The following TADA2A variants were observed in gnomAD, a reference collection of about 807,000 sequenced individuals.
TADA2A encodes transcriptional adapter 2-alpha.
A neutral mutation model predicts 67.4 loss-of-function variants in TADA2A; 38 were observed. The ratio of observed to expected loss-of-function variants is 0.56; its 90% CI spans 0.44 to 0.74. The LOEUF (loss-of-function observed/expected upper bound fraction) is 0.74. Among genes scored for constraint, TADA2A ranks in the 30% least tolerant of loss-of-function variants. The probability of loss-of-function intolerance (pLI) is 0.00; values close to 1 mark genes in which losing one functional copy is unlikely to be tolerated. For synonymous variants in TADA2A, 192 were observed against 181.6 expected, an observed-to-expected ratio of 1.06 and a Z score of -0.46; for missense variants, 454 against 547.0, an observed-to-expected ratio of 0.83 and a Z score of 1.70.
At chr17:37,434,714 G>A (rs1037734358) in intron 4 of TADA2A, among the ~76,000 whole-genome samples, 1 of 152,114 alleles carries the variant, frequency 6.6e-6, no homozygotes, top group Non-Finnish European at 1.5e-5. Context: ...TTATTGTGTG[G>A]TCCCTTGGAG....
At chr17:37,439,933 TA>T (rs1238567108) in intron 5 of TADA2A, among the ~76,000 whole-genome samples, 888 of 87,090 alleles carry the variant, frequency 0.01, 13 homozygotes, top group African/African-American at 0.034. Context: ...TTTATTTATT[TA>T]TTTATTTATT....
intron 8 of TADA2A, among the ~76,000 whole-genome samples, chr17:37,449,630 T>C (rs1039575450): frequency 2.0e-5 from 3 of 151,666 alleles, no homozygotes; most frequent in Non-Finnish European, 4.4e-5. Context: ...TTTTTTTTTT[T>C]TTTTTTTGAG....
rs151283485 is a variant in TADA2A, at chr17:37,472,554, C to G, written c.1072+1417C>G. On this transcript the variant is annotated intron_variant, in intron 14 of 15. Transcript: ENST00000615182. ...CTAAATACAACTAAGTTAATACTGG[C>G]TAATTAAAATGAAGGAACTGGGTCA... is the stretch of plus-strand genomic sequence containing the variant. 8.8e-3 allele frequency among the ~76,000 whole-genome samples: 1,342 copies of G among 151,996 alleles called. 14 individuals are homozygous for G. The highest frequency in any genetic ancestry group is 0.017 in the Middle Eastern group (5 of 294).
chr17:37,449,619 ATTTT>A (rs11337212), intron 8 of TADA2A, among the ~76,000 whole-genome samples: 6 of 136,724 alleles, frequency 4.4e-5, no homozygotes, highest in African/African-American at 5.5e-5. Flanking sequence ...TACAATCTTG[ATTTT>A]TTTTTTTTTT....
chr17:37,409,941 G>A (rs530518108), intron 1 of TADA2A, among the ~76,000 whole-genome samples: 47 of 149,860 alleles, frequency 3.1e-4, no homozygotes, highest in Non-Finnish European at 4.9e-4. Context: ...CGAGGTGGGC[G>A]GATCACTTGA....
At chr17:37,466,954 C>G (rs575839694) in intron 11 of TADA2A, among the ~76,000 whole-genome samples, 3 of 152,074 alleles carry the variant, frequency 2.0e-5, no homozygotes, top group Admixed American at 6.6e-5. Context: ...GTCAGGAATT[C>G]GAGACCAACC....
intron 2 of TADA2A, among the ~76,000 whole-genome samples, chr17:37,418,145 A>T (rs1014608473): frequency 4.6e-5 from 7 of 152,198 alleles, no homozygotes; most frequent in African/African-American, 1.7e-4. Context: ...CTTATATACA[A>T]TTGCCTGTCT....
intron 8 of TADA2A, among the ~76,000 whole-genome samples, chr17:37,455,263 C>G (rs1428618799): frequency 6.7e-6 from 1 of 149,722 alleles, no homozygotes; most frequent in East Asian, 1.9e-4. Context: ...TTTCTTCTAG[C>G]GTTGTTACTA....
chr17:37,472,511 A>C (rs1039730088), intron 14 of TADA2A, among the ~76,000 whole-genome samples: 1 of 152,098 alleles, frequency 6.6e-6, no homozygotes, highest in Non-Finnish European at 1.5e-5. Flanking sequence ...CTTACTGCCA[A>C]CACTCTACCC....
In TADA2A at chr17:37,444,768, G is replaced by T; in HGVS notation, c.604G>T (p.Ala202Ser). 6.2e-7 allele frequency: 1 copy of T among 1,613,574 alleles called. No homozygotes were observed. Among genetic ancestry groups the T allele is most frequent in the Non-Finnish European group, 8.5e-7 (1 of 1,179,606 alleles). ...FVEDDSDILH[A>S]LKMAVVDIYH... ...TGAAGATGACTCGGACATTTTACAT[G>T]GTAACAGTTTATTTTGTCAAATGTT... is the stretch of plus-strand genomic sequence containing the variant. The change falls in exon 8 of 16, where the codon GCT becomes TCT. Residue 202 changes from alanine to serine, a missense_variant and splice_region_variant. Physicochemically the swap from Ala to Ser is moderately conservative, Grantham distance 99. Transcript: ENST00000615182.
chr17:37,410,608 GAA>G (rs998575151), intron 1 of TADA2A, among the ~76,000 whole-genome samples: 2 of 152,196 alleles, frequency 1.3e-5, no homozygotes, highest in Non-Finnish European at 2.9e-5. Context: ...TAAAGAGAGA[GAA>G]ATGAGAGAAG....
At chr17:37,437,113 T>G (rs1042943330) in intron 4 of TADA2A, among the ~76,000 whole-genome samples, 6 of 148,458 alleles carry the variant, frequency 4.0e-5, no homozygotes, top group Non-Finnish European at 3.0e-5. Context: ...TGAAACGGAG[T>G]CTTGCTCTGT....
At chr17:37,440,791 G>A (rs2052891432) in intron 6 of TADA2A, 129 bp downstream of exon 6, 1 of 1,202,798 alleles carries the variant, frequency 8.3e-7, no homozygotes, top group East Asian at 2.6e-5. Context: ...AGTTAGTATG[G>A]CAGCTATTGA....
chr17:37,424,547 G>GT (rs200783555), intron 3 of TADA2A, among the ~76,000 whole-genome samples: 148 of 151,546 alleles, frequency 9.8e-4, no homozygotes, highest in African/African-American at 3.4e-3. Context: ...AGTTAACACT[G>GT]TTTTTTTTGT....
At chr17:37,434,112 A>C (rs1201457881) in intron 4 of TADA2A, among the ~76,000 whole-genome samples, 1 of 152,234 alleles carries the variant, frequency 6.6e-6, no homozygotes, top group Non-Finnish European at 1.5e-5. Flanking sequence ...TGTTTTCTCC[A>C]ATCTATGACA....
intron 4 of TADA2A, among the ~76,000 whole-genome samples, chr17:37,433,889 G>C (rs1051389557): frequency 2.0e-5 from 3 of 151,764 alleles, no homozygotes; most frequent in Non-Finnish European, 4.4e-5. Context: ...AGGAGGTGGA[G>C]GTTGCGGTGA....
intron 1 of TADA2A, 66 bp from the exon 2 acceptor site, chr17:37,411,203 A>G (rs575581479): frequency 4.4e-6 from 3 of 675,694 alleles, no homozygotes; most frequent in African/African-American, 1.8e-5. Context: ...TATGTTGCAT[A>G]TCTTCTCTTT....
At chr17:37,433,000 T>G (rs1465163216) in intron 4 of TADA2A, among the ~76,000 whole-genome samples, 1 of 149,210 alleles carries the variant, frequency 6.7e-6, no homozygotes, top group Non-Finnish European at 1.5e-5. Flanking sequence ...TTCACACATT[T>G]CAATTTTCCA....
chr17:37,463,292 C>A (rs1053735764), intron 10 of TADA2A, among the ~76,000 whole-genome samples: 1 of 151,912 alleles, frequency 6.6e-6, no homozygotes, highest in Non-Finnish European at 1.5e-5. Context: ...TCATAATATT[C>A]TTTTTTTGTA....
Sources: allele counts gnomAD v4.1 joint callset (sites outside exome capture counted in the v4.1 genomes callset), GRCh38; gene constraint gnomAD v4.1.1; transcripts MANE v1.5; gene names NCBI Gene and HGNC (gene_info 2026-07-23, HGNC 2026-07-21).